LRRIQ1: variants seen among roughly 807,000 people sequenced by gnomAD.
LRRIQ1 encodes leucine rich repeats and IQ motif containing 1.
LRRIQ1 carries 210 observed loss-of-function variants against 211.9 expected under a neutral mutation model. That is an observed-to-expected ratio of 0.99 (90% CI 0.89 to 1.11). LRRIQ1 has a LOEUF of 1.11. Among genes scored for constraint, LRRIQ1 ranks in the 50% most tolerant of loss-of-function variants. The pLI is 0.00. For missense variants in LRRIQ1, 2,136 were observed against 1,939.5 expected (o/e 1.10, Z -1.90); for synonymous variants, 699 against 650.1 (o/e 1.08, Z -1.14).
intron 19 of LRRIQ1, among the ~76,000 whole-genome samples, chr12:85,139,970 C>A (rs547397724): frequency 6.6e-6 from 1 of 150,788 alleles, no homozygotes. Context: ...TCTTCACATT[C>A]TTGGTAAGGT....
intron 24 of LRRIQ1, among the ~76,000 whole-genome samples, chr12:85,176,481 C>T (rs1891705900): frequency 6.7e-6 from 1 of 150,168 alleles, no homozygotes; most frequent in Non-Finnish European, 1.5e-5. Flanking sequence ...TCTCAGTAAA[C>T]TATCGCAAGA....
chr12:85,256,502 G>A (rs1279826207), intron 1 of LRRIQ1, among the ~76,000 whole-genome samples: 1 of 151,568 alleles, frequency 6.6e-6, no homozygotes, highest in Non-Finnish European at 1.5e-5. Flanking sequence ...AAATCCTCAG[G>A]CTAGTTATGT....
rs745998180 is a variant in LRRIQ1 at position 85,194,537 on chromosome 12, C to A, written c.4822+33823C>A. ...AAGAATCTCACTCAAAACCGCTCAA[C>A]TACATGGAAACTGAACAACCTGCTC... On this transcript the variant is annotated intron_variant, in intron 24 of 26. Coordinates refer to ENST00000393217, the MANE Select transcript of LRRIQ1 (RefSeq NM_001079910.2). Among the ~76,000 whole-genome samples the A allele has an allele frequency of 5.0e-3, 746 of 149,562 alleles. 2 individuals carry two copies. Among genetic ancestry groups the A allele is most frequent in the Middle Eastern group, 0.017 (5 of 294 alleles).
chr12:85,086,040 G>A (rs1034013944), intron 11 of LRRIQ1, among the ~76,000 whole-genome samples: 1 of 152,060 alleles, frequency 6.6e-6, no homozygotes, highest in Non-Finnish European at 1.5e-5. Flanking sequence ...ACTAATTCAC[G>A]TTTTCACCAA....
In LRRIQ1 at chr12:85,201,171, T is replaced by C. The variant is rs531358271; in HGVS notation, c.4823-28346T>C. Among the ~76,000 whole-genome samples the C allele has an allele frequency of 5.3e-5, 8 of 151,814 alleles. No individual in the cohort carries two copies. The East Asian group carries it at 1.5e-3, about 29-fold the overall frequency. On this transcript the variant is annotated intron_variant, in intron 24 of 26. Coordinates refer to ENST00000393217, the MANE Select transcript of LRRIQ1 (RefSeq NM_001079910.2). The stretch of plus-strand genomic sequence containing the variant: ...TGATGTGCTGCTAGATTTAGTTTGC[T>C]AGTATTTTGTTGAGGATTTTTGTAT...
At chr12:85,220,763 T>C (rs1171864794) in intron 24 of LRRIQ1, among the ~76,000 whole-genome samples, 4 of 151,356 alleles carry the variant, frequency 2.6e-5, no homozygotes, top group African/African-American at 9.7e-5. Flanking sequence ...CATTTAGCAT[T>C]AGGTATATCT....
At position 85,056,808 on chromosome 12, in the gene LRRIQ1, A is replaced by G. The variant is rs752853226; in HGVS notation, c.2015A>G (p.Asn672Ser). The G allele has an allele frequency of 6.2e-7, 1 of 1,610,630 alleles. No homozygotes were observed. Among genetic ancestry groups the G allele is most frequent in the Non-Finnish European group, 8.5e-7 (1 of 1,178,874 alleles). ...ATGATAAATATAGAAGGCAAAAGAA[A>G]TGACCAAGATTATGTGTTAGGTAGA... ...DTMINIEGKRNDQDYVLGRHA... is the reference protein window; with the variant it reads ...DTMINIEGKRSDQDYVLGRHA... The change falls in exon 8 of 27, where the codon AAT becomes AGT. Residue 672 changes from asparagine to serine, a missense_variant. Coordinates refer to ENST00000393217, the MANE Select transcript of LRRIQ1 (RefSeq NM_001079910.2).
At chr12:85,110,081 A>T (rs533271749) in intron 15 of LRRIQ1, among the ~76,000 whole-genome samples, 1 of 152,262 alleles carries the variant, frequency 6.6e-6, no homozygotes, top group South Asian at 2.1e-4. Context: ...CAATTCTTAG[A>T]ACGTGGTAAG....
chr12:85,174,100 G>A (rs1297546097), intron 24 of LRRIQ1, among the ~76,000 whole-genome samples: 1 of 151,638 alleles, frequency 6.6e-6, no homozygotes, highest in Non-Finnish European at 1.5e-5. Context: ...ATGAAAATTA[G>A]GGAAAAAAGT....
intron 10 of LRRIQ1, among the ~76,000 whole-genome samples, chr12:85,072,063 A>G (rs567289168): frequency 6.6e-6 from 1 of 152,006 alleles, no homozygotes; most frequent in African/African-American, 2.4e-5. Flanking sequence ...AATATTTCAT[A>G]CAATTATTTT....
intron 14 of LRRIQ1, 69 bp downstream of exon 14, chr12:85,104,146 G>T: frequency 3.8e-6 from 3 of 793,654 alleles, no homozygotes; most frequent in Non-Finnish European, 5.4e-6. Flanking sequence ...ATGATAAGGG[G>T]TTGTTTTAAA....
rs145844987 is a variant in LRRIQ1, at chr12:85,101,226, CT to C, written c.3209+2239del. 1.8e-3 allele frequency among the ~76,000 whole-genome samples: 273 copies of C among 151,766 alleles called. 2 individuals carry two copies. Among genetic ancestry groups the C allele is most frequent in the African/African-American group, 6.3e-3 (263 of 41,504 alleles). On this transcript the variant is annotated intron_variant, in intron 13 of 26. Coordinates refer to ENST00000393217, the MANE Select transcript of LRRIQ1 (RefSeq NM_001079910.2). ...AAAGAAGATATTATGTGTCCATATG[CT>C]TTTTTTCCCAACAAATGGAATACAT... is the stretch of plus-strand genomic sequence containing the variant.
chr12:85,154,590 CT>C (rs1890440670), intron 23 of LRRIQ1, among the ~76,000 whole-genome samples: 1 of 151,216 alleles, frequency 6.6e-6, no homozygotes, highest in Admixed American at 6.6e-5. Context: ...TCTAAAGCAT[CT>C]TTTATTCTAT....
intron 10 of LRRIQ1, among the ~76,000 whole-genome samples, chr12:85,068,048 CT>C (rs1332791656): frequency 1.3e-5 from 2 of 151,926 alleles, no homozygotes; most frequent in Non-Finnish European, 2.9e-5. Context: ...CACCTCCTGG[CT>C]TGATTTCTTC....
Position 85,049,678 on chromosome 12 carries a change from G to A in LRRIQ1, c.678+2208G>A, listed in dbSNP as rs538547595. Among the ~76,000 whole-genome samples the A allele has an allele frequency of 6.6e-5, 10 of 152,274 alleles. No homozygotes were observed. In the East Asian group the frequency reaches 1.9e-3, roughly 29 times the overall value. On this transcript the variant is annotated intron_variant, in intron 6 of 26. Transcript: ENST00000393217. ...GGCTGTGTATGATAGGCTTCTTAAAGAGTGGTTATTTATACTGTATCAATT... is the reference window on the plus strand; with the variant it reads ...GGCTGTGTATGATAGGCTTCTTAAAAAGTGGTTATTTATACTGTATCAATT...
intron 8 of LRRIQ1, among the ~76,000 whole-genome samples, chr12:85,059,816 T>C (rs1157277559): frequency 6.6e-6 from 1 of 151,858 alleles, no homozygotes; most frequent in Non-Finnish European, 1.5e-5. Flanking sequence ...CCGCATGTTC[T>C]GCACATGTAT....
chr12:85,125,569 G>A (rs900771936), intron 17 of LRRIQ1, among the ~76,000 whole-genome samples: 5 of 152,080 alleles, frequency 3.3e-5, no homozygotes, highest in African/African-American at 1.2e-4. Flanking sequence ...ACAGTAACTA[G>A]CAAATCTTGC....
intron 26 of LRRIQ1, among the ~76,000 whole-genome samples, chr12:85,242,852 A>G (rs942797838): frequency 4.6e-5 from 7 of 151,920 alleles, no homozygotes; most frequent in Non-Finnish European, 8.8e-5. Flanking sequence ...TGACCAAATT[A>G]GTAACTGACA....
intron 8 of LRRIQ1, among the ~76,000 whole-genome samples, chr12:85,063,160 C>A (rs1882041272): frequency 6.6e-6 from 1 of 150,946 alleles, no homozygotes; most frequent in Non-Finnish European, 1.5e-5. Flanking sequence ...TCTGTTTACT[C>A]TTTTAATAGT....
Sources: gnomAD v4.1 joint callset for allele counts (sites outside exome capture counted in the v4.1 genomes callset) on GRCh38, gnomAD v4.1.1 for gene constraint, MANE v1.5 for transcripts, NCBI Gene and HGNC (gene_info 2026-07-23, HGNC 2026-07-21) for gene names.